Variants in RBPJ observed in about 807,000 individuals in gnomAD.
RBPJ encodes the protein recombining binding protein suppressor of hairless.
Under a neutral mutation model 67.8 loss-of-function variants are expected in RBPJ, and 9 were observed. That is an observed-to-expected ratio of 0.13 (90% CI 0.08 to 0.23). The LOEUF (loss-of-function observed/expected upper bound fraction) is 0.23. Ranked by LOEUF, RBPJ falls within the 10% of genes least tolerant of loss-of-function variation. RBPJ has a pLI of 1.00. For synonymous variants in RBPJ, 198 were observed against 203.3 expected (o/e 0.97, Z 0.22); for missense variants, 305 against 595.6 (o/e 0.51, Z 5.08).
intron 1 of RBPJ, among the ~76,000 whole-genome samples, chr4:26,370,180 A>G (rs1185217658): frequency 1.3e-5 from 2 of 152,196 alleles, no homozygotes; most frequent in East Asian, 3.8e-4. Flanking sequence ...TTTTGGAGAA[A>G]TGCTAGAACC....
chr4:26,430,587 C>G lies in RBPJ; in HGVS notation c.1148+65C>G. On this transcript the variant is annotated intron_variant, in intron 10 of 10. Transcript: ENST00000355476. The surrounding 1 kb of genome is among the most constrained non-coding windows in gnomAD (Gnocchi z 4.1). ...GGGGTGTGGGTACAGGAGATTCTTTCCTGGCACTGATTGTAATGTATTAAA... is the reference window on the plus strand; with the variant it reads ...GGGGTGTGGGTACAGGAGATTCTTTGCTGGCACTGATTGTAATGTATTAAA... The G allele has an allele frequency of 6.6e-7, 1 of 1,524,316 alleles. No homozygotes were observed. Among genetic ancestry groups the G allele is most frequent in the Non-Finnish European group, 9.0e-7 (1 of 1,116,772 alleles). The allele number at this position is 1,524,316 out of a possible 1,614,324, so 94.4% of individuals were successfully genotyped here. A position where few individuals can be genotyped will look rare whatever the true frequency, so the allele number is the denominator to read the frequency against.
upstream of RBPJ, among the ~76,000 whole-genome samples, chr4:26,161,779 A>C (rs1384212066): frequency 1.3e-5 from 2 of 152,220 alleles, no homozygotes; most frequent in Admixed American, 1.3e-4. Flanking sequence ...TAGTGGCTGC[A>C]TTATAAGAGC....
intron 5 of RBPJ, among the ~76,000 whole-genome samples, chr4:26,421,953 G>A (rs1735180083): frequency 2.0e-5 from 3 of 152,034 alleles, no homozygotes; most frequent in Admixed American, 6.5e-5. Context: ...ATTCAGATAA[G>A]GTCCACACAT....
At chr4:26,215,420 G>A (rs1366567780) in intron 1 of RBPJ, among the ~76,000 whole-genome samples, 5 of 127,928 alleles carry the variant, frequency 3.9e-5, no homozygotes, top group Non-Finnish European at 6.6e-5. Context: ...AGGAAGGAAG[G>A]GAGGGAGGGA....
At chr4:26,323,455 T>G (rs1723297622) in intron 1 of RBPJ, among the ~76,000 whole-genome samples, 1 of 152,248 alleles carries the variant, frequency 6.6e-6, no homozygotes, top group Non-Finnish European at 1.5e-5. Context: ...ATAAAACTGC[T>G]TTTAATTAAA....
intron 1 of RBPJ, among the ~76,000 whole-genome samples, chr4:26,308,015 G>T (rs552558617): frequency 1.3e-5 from 2 of 152,300 alleles, no homozygotes; most frequent in South Asian, 4.1e-4. Flanking sequence ...GGTGGCTCAC[G>T]CCTGTAATCC....
Position 26,265,127 on chromosome 4 carries a change from T to G in RBPJ, c.-166-97319T>G, listed in dbSNP as rs182536406. 1.5e-3 allele frequency among the ~76,000 whole-genome samples: 222 copies of G among 152,296 alleles called. 1 individual carries two copies. The highest frequency in any genetic ancestry group is 3.4e-3 in the Middle Eastern group (1 of 294). ...TTTGTCAATAATTTTCTTTGGAAACTGAATGGGAAAAGTTACTAGAAGGTG... is the reference window on the plus strand; with the variant it reads ...TTTGTCAATAATTTTCTTTGGAAACGGAATGGGAAAAGTTACTAGAAGGTG... On this transcript the variant is annotated intron_variant, in intron 1 of 4. Transcript: ENST00000512351.
intron 1 of RBPJ, among the ~76,000 whole-genome samples, chr4:26,177,237 A>T (rs1716827471): frequency 2.6e-5 from 4 of 152,258 alleles, no homozygotes; most frequent in African/African-American, 9.6e-5. Context: ...ACTGGAGGAG[A>T]CATGAGAGGG....
intron 1 of RBPJ, among the ~76,000 whole-genome samples, chr4:26,340,520 G>T (rs74467872): frequency 0.015 from 2,225 of 152,244 alleles, 28 homozygotes; most frequent in South Asian, 0.059. Context: ...AAGTTAAGAG[G>T]ATTCTGCAAC....
chr4:26,377,929 A>G (rs918046420), intron 1 of RBPJ, among the ~76,000 whole-genome samples: 3 of 152,200 alleles, frequency 2.0e-5, no homozygotes, highest in African/African-American at 7.2e-5. Context: ...GCAAAATACA[A>G]TCTTTGCTGC....
chr4:26,351,518 C>G (rs1250763476), intron 1 of RBPJ, among the ~76,000 whole-genome samples: 2 of 152,124 alleles, frequency 1.3e-5, no homozygotes, highest in African/African-American at 2.4e-5. Context: ...GTAGATGGGA[C>G]TACAGGTGTG....
intron 1 of RBPJ, among the ~76,000 whole-genome samples, chr4:26,249,157 G>A (rs188556045): frequency 1.4e-4 from 22 of 152,200 alleles, no homozygotes; most frequent in Middle Eastern, 3.4e-3. Context: ...AAGCAAAAGC[G>A]GGCAAAGTCT....
chr4:26,115,577 G>A, the RBPJ span, among the ~76,000 whole-genome samples: 1 of 152,094 alleles, frequency 6.6e-6, no homozygotes, highest in Non-Finnish European at 1.5e-5. Context: ...GTAGAGAAGG[G>A]ATTTCACCAT....
At chr4:26,408,596 C>T (rs930565355) in intron 3 of RBPJ, among the ~76,000 whole-genome samples, 5 of 152,130 alleles carry the variant, frequency 3.3e-5, no homozygotes, top group Admixed American at 6.5e-5. Flanking sequence ...ATATTGGCTC[C>T]AATCATGAGC....
intron 1 of RBPJ, among the ~76,000 whole-genome samples, chr4:26,169,728 C>T (rs1033735823): frequency 1.3e-5 from 2 of 152,220 alleles, no homozygotes; most frequent in African/African-American, 4.8e-5. Context: ...GGGCTCCACC[C>T]AGTTCGAGCT....
chr4:26,146,631 C>T, the RBPJ span, among the ~76,000 whole-genome samples: 1 of 152,106 alleles, frequency 6.6e-6, no homozygotes, highest in Non-Finnish European at 1.5e-5. Context: ...TATTTGTAAA[C>T]ACAACTCCTG....
intron 1 of RBPJ, among the ~76,000 whole-genome samples, chr4:26,238,446 C>T (rs547515301): frequency 1.6e-4 from 24 of 152,288 alleles, no homozygotes; most frequent in East Asian, 7.7e-4. Flanking sequence ...CTCATAGCTT[C>T]TATGCAGGGA....
intron 2 of RBPJ, among the ~76,000 whole-genome samples, chr4:26,399,846 T>G (rs1732583841): frequency 6.6e-6 from 1 of 152,006 alleles, no homozygotes; most frequent in African/African-American, 2.4e-5. Flanking sequence ...GCCTGGCTAG[T>G]TTTTGTATTT....
chr4:26,233,840 G>T (rs534426110), intron 1 of RBPJ, among the ~76,000 whole-genome samples: 3 of 152,334 alleles, frequency 2.0e-5, no homozygotes, highest in African/African-American at 7.2e-5. Flanking sequence ...GATTAGCCAT[G>T]AATGGTTCTG....
Sources: allele counts gnomAD v4.1 joint callset (sites outside exome capture counted in the v4.1 genomes callset), GRCh38; gene constraint gnomAD v4.1.1; non-coding constraint Gnocchi (gnomAD v3.1); transcripts MANE v1.5; gene names NCBI Gene and HGNC (gene_info 2026-07-23, HGNC 2026-07-21).